Variants in GPR158 observed in about 807,000 individuals in gnomAD.
The protein encoded by GPR158 is metabotropic glycine receptor.
GPR158 carries 30 observed loss-of-function variants against 78.2 expected under a neutral mutation model. The observed-to-expected ratio is 0.38, with a 90% CI of 0.29 to 0.52. GPR158 has a LOEUF of 0.52. Among genes scored for constraint, GPR158 ranks in the 20% least tolerant of loss-of-function variants. The pLI, the probability that GPR158 is intolerant of heterozygous loss-of-function variation, is 0.83. For synonymous variants in GPR158, 581 were observed against 591.1 expected (o/e 0.98, Z 0.25); for missense variants, 1,463 against 1,523.5 (o/e 0.96, Z 0.66).
At chr10:25,223,865 G>A (rs1361913007) in intron 2 of GPR158, among the ~76,000 whole-genome samples, 1 of 152,106 alleles carries the variant, frequency 6.6e-6, no homozygotes, top group East Asian at 1.9e-4. Flanking sequence ...AAACAATAGA[G>A]AAAGTTACAA....
chr10:25,477,597 GACT>G (rs1276745226), intron 5 of GPR158, among the ~76,000 whole-genome samples: 1 of 152,006 alleles, frequency 6.6e-6, no homozygotes, highest in African/African-American at 2.4e-5. Flanking sequence ...TTTACAAGTA[GACT>G]ATGATTTTTA....
chr10:25,352,787 C>A (rs1855493237), intron 2 of GPR158, among the ~76,000 whole-genome samples: 1 of 151,964 alleles, frequency 6.6e-6, no homozygotes, highest in Admixed American at 6.6e-5. Context: ...ACATCTGACT[C>A]ATGTTTTAGA....
Position 25,514,497 on chromosome 10 carries a change from C to T in GPR158, c.1405-36479C>T, listed in dbSNP as rs368279454. On this transcript the variant is annotated intron_variant, in intron 5 of 10. Coordinates refer to ENST00000376351, the MANE Select transcript of GPR158 (RefSeq NM_020752.3). ...CATTCTTCTTAGTGGAGCATTTATGCCATTTACATTCAATGTTAGTATTGA... is the reference window on the plus strand; with the variant it reads ...CATTCTTCTTAGTGGAGCATTTATGTCATTTACATTCAATGTTAGTATTGA... Among the ~76,000 whole-genome samples, 3 of 152,126 alleles carry T rather than the reference C, an allele frequency of 2.0e-5. No homozygotes were observed. The East Asian group carries it at 5.8e-4, about 29-fold the overall frequency.
chr10:25,422,763 G>A (rs1490683023), intron 4 of GPR158, among the ~76,000 whole-genome samples: 1 of 151,722 alleles, frequency 6.6e-6, no homozygotes, highest in Non-Finnish European at 1.5e-5. Context: ...ACACGAATAA[G>A]TTCTTTAGTG....
intron 2 of GPR158, among the ~76,000 whole-genome samples, chr10:25,365,906 A>C (rs1588827242): frequency 6.6e-6 from 1 of 151,740 alleles, no homozygotes; most frequent in African/African-American, 2.4e-5. Flanking sequence ...TCCCCAAATT[A>C]ACAGACATTC....
At chr10:25,393,615 T>C (rs551788615) in intron 2 of GPR158, 1 of 152,168 alleles carries the variant, frequency 6.6e-6, no homozygotes, top group Non-Finnish European at 1.5e-5. Context: ...CCTGATAGTA[T>C]GTTTAGAGGT....
At chr10:25,243,135 C>A (rs1485950584) in intron 2 of GPR158, among the ~76,000 whole-genome samples, 1 of 152,258 alleles carries the variant, frequency 6.6e-6, no homozygotes, top group Non-Finnish European at 1.5e-5. Flanking sequence ...ATTTAACCAA[C>A]AAATCTCCCC....
intron 7 of GPR158, among the ~76,000 whole-genome samples, chr10:25,577,303 CT>C (rs1837115663): frequency 6.6e-6 from 1 of 151,988 alleles, no homozygotes; most frequent in South Asian, 2.1e-4. Flanking sequence ...TTCCTGGATC[CT>C]AAGAGGTAAT....
intron 2 of GPR158, among the ~76,000 whole-genome samples, chr10:25,290,135 C>A (rs139405748): frequency 6.2e-4 from 95 of 152,252 alleles, no homozygotes; most frequent in African/African-American, 2.2e-3. Flanking sequence ...ATAGTTAAAA[C>A]CCATGCAACA....
intron 4 of GPR158, among the ~76,000 whole-genome samples, chr10:25,464,591 T>G (rs186388679): frequency 8.5e-5 from 13 of 152,306 alleles, no homozygotes; most frequent in Admixed American, 5.9e-4. Context: ...GTTTTATGGG[T>G]GAGACCATTG....
At chr10:25,350,670 T>C (rs952585786) in intron 2 of GPR158, among the ~76,000 whole-genome samples, 5 of 151,986 alleles carry the variant, frequency 3.3e-5, no homozygotes, top group Non-Finnish European at 7.4e-5. Flanking sequence ...AGCTATACTT[T>C]CTTATTTTCT....
chr10:25,579,947 T>C (rs1008420249), intron 7 of GPR158, among the ~76,000 whole-genome samples: 4 of 152,208 alleles, frequency 2.6e-5, no homozygotes, highest in Non-Finnish European at 4.4e-5. Flanking sequence ...ATTTATATGA[T>C]CTAATAACTA....
intron 2 of GPR158, among the ~76,000 whole-genome samples, chr10:25,298,417 TAACA>T (rs1189868973): frequency 1.8e-4 from 27 of 152,312 alleles, no homozygotes; most frequent in East Asian, 7.7e-4. Flanking sequence ...GCCTTTGAAC[TAACA>T]AAGTACCTTT....
intron 5 of GPR158, among the ~76,000 whole-genome samples, chr10:25,544,206 CT>C (rs1398531048): frequency 5.9e-5 from 9 of 152,192 alleles, no homozygotes; most frequent in Non-Finnish European, 1.3e-4. Flanking sequence ...GTATGCTTTA[CT>C]CCTGTGGCCA....
At chr10:25,240,748 A>G (rs1005227219) in intron 2 of GPR158, among the ~76,000 whole-genome samples, 1 of 152,216 alleles carries the variant, frequency 6.6e-6, no homozygotes, top group Non-Finnish European at 1.5e-5. Context: ...TCAAATATGC[A>G]TATCAGAATT....
At chr10:25,494,589 T>C (rs1217426425) in intron 5 of GPR158, among the ~76,000 whole-genome samples, 1 of 152,206 alleles carries the variant, frequency 6.6e-6, no homozygotes, top group African/African-American at 2.4e-5. Context: ...AACAATCGTG[T>C]AGTAGTCAAC....
At chr10:25,393,667 G>A (rs2130525604) in intron 2 of GPR158, 1 of 152,276 alleles carries the variant, frequency 6.6e-6, no homozygotes, top group Admixed American at 6.5e-5. Context: ...CTTGAGTGAA[G>A]AATGGTTCTC....
chr10:25,197,485 T>C (rs897341150), intron 1 of GPR158, among the ~76,000 whole-genome samples: 1 of 152,206 alleles, frequency 6.6e-6, no homozygotes, highest in Admixed American at 6.5e-5. Context: ...AAGATCCGTA[T>C]GAATAAGATC....
chr10:25,553,930 G>T (rs1161576366), intron 6 of GPR158, among the ~76,000 whole-genome samples: 1 of 152,152 alleles, frequency 6.6e-6, no homozygotes, highest in Non-Finnish European at 1.5e-5. Context: ...AAGTTGTAGG[G>T]ACTAAGTATA....
Sources: allele counts gnomAD v4.1 joint callset (sites outside exome capture counted in the v4.1 genomes callset), GRCh38; gene constraint gnomAD v4.1.1; transcripts MANE v1.5; gene names NCBI Gene and HGNC (gene_info 2026-07-23, HGNC 2026-07-21).